Variants in KDM6A observed in about 807,000 individuals in gnomAD.
The protein encoded by KDM6A is lysine demethylase 6A.
A neutral mutation model predicts 117.6 loss-of-function variants in KDM6A; 11 were observed. The ratio of observed to expected loss-of-function variants is 0.09; its 90% CI spans 0.06 to 0.15. The LOEUF (loss-of-function observed/expected upper bound fraction) is 0.15, where lower values mean the gene tolerates loss of function less well. Among genes scored for constraint, KDM6A ranks in the 10% least tolerant of loss-of-function variants. KDM6A has a pLI of 1.00. For missense variants in KDM6A, 799 were observed against 1,077.3 expected, an observed-to-expected ratio of 0.74 and a Z score of 3.62; for synonymous variants, 384 against 396.1, an observed-to-expected ratio of 0.97 and a Z score of 0.36.
At chrX:45,059,175 C>T in intron 11 of KDM6A, 71 bp downstream of exon 11, 1 of 1,175,523 alleles carries the variant, frequency 8.5e-7, no homozygotes, top group Non-Finnish European at 1.2e-6. Context: ...TATAGTACTT[C>T]ATAGTTTAAA....
chrX:45,091,239 GGAT>G (rs1333801497), intron 27 of KDM6A, among the ~76,000 whole-genome samples: 12 of 110,145 alleles, frequency 1.1e-4, no homozygotes, highest in African/African-American at 3.6e-4. Context: ...GTTAATATAG[GGAT>G]TTGACTAAAA....
At chrX:45,057,997 C>T (rs980745112) in intron 10 of KDM6A, among the ~76,000 whole-genome samples, 4 of 107,982 alleles carry the variant, frequency 3.7e-5, no homozygotes, top group African/African-American at 6.8e-5. Flanking sequence ...GCTTGGCAAA[C>T]GTGCCATATA....
At chrX:44,960,228 AGT>A (rs1337235538) in intron 2 of KDM6A, among the ~76,000 whole-genome samples, 1 of 111,456 alleles carries the variant, frequency 9.0e-6, no homozygotes, top group Non-Finnish European at 1.9e-5. Flanking sequence ...CAAACTTGCA[AGT>A]GTTCCTGGGA....
At chrX:45,034,390 A>G (rs769398145) in intron 6 of KDM6A, among the ~76,000 whole-genome samples, 1 of 112,105 alleles carries the variant, frequency 8.9e-6, no homozygotes, top group South Asian at 3.6e-4. Flanking sequence ...TATTTGGTAG[A>G]TGAACTTGGA....
intron 7 of KDM6A, among the ~76,000 whole-genome samples, chrX:45,036,106 CTTT>C (rs2042801975): frequency 9.0e-6 from 1 of 111,031 alleles, no homozygotes; most frequent in Non-Finnish European, 1.9e-5. Flanking sequence ...CTGTAAGTTA[CTTT>C]TTTGTTTTTG....
chrX:44,898,047 C>G (rs758576392), intron 2 of KDM6A, among the ~76,000 whole-genome samples: 1 of 111,678 alleles, frequency 9.0e-6, no homozygotes. Context: ...CTCCCTTACC[C>G]TCACATCTTC....
rs2148051596 is a variant in KDM6A at position 45,070,117 on chromosome X, C to T, written c.2618C>T (p.Ser873Leu). ...TDNSVASSPS[S>L]AISTATPSPK... ...AACTCTGTTGCCTCTTCACCATCTTCAGCCATTTCAACAGCAACACCTTCT... is the reference window on the plus strand; with the variant it reads ...AACTCTGTTGCCTCTTCACCATCTTTAGCCATTTCAACAGCAACACCTTCT... The change falls in exon 18 of 30, where the codon TCA becomes TTA. Residue 873 changes from serine to leucine, a missense_variant. Ser to Leu is a moderately radical substitution (Grantham distance 145). This residue lies in a region of KDM6A where 291 missense variants were observed against 437.9 expected (regional missense o/e 0.66). Coordinates refer to ENST00000611820, the MANE Select transcript of KDM6A (RefSeq NM_001291415.2). 8.3e-7 allele frequency: 1 copy of T among 1,211,671 alleles called. No individual in the cohort carries two copies. Among genetic ancestry groups the T allele is most frequent in the Non-Finnish European group, 1.1e-6 (1 of 895,304 alleles).
intron 21 of KDM6A, among the ~76,000 whole-genome samples, chrX:45,082,153 T>C (rs1054752676): frequency 4.6e-5 from 5 of 109,858 alleles, no homozygotes; most frequent in Non-Finnish European, 9.5e-5. Context: ...AAACTTAGTT[T>C]CAAGGCCAGG....
At chrX:44,927,658 G>A (rs1341725802) in intron 2 of KDM6A, among the ~76,000 whole-genome samples, 1 of 111,031 alleles carries the variant, frequency 9.0e-6, no homozygotes, top group African/African-American at 3.3e-5. Flanking sequence ...CTTTGAGTGG[G>A]GTCCAAACCA....
chrX:44,956,034 A>AATG (rs2038304401), intron 2 of KDM6A, among the ~76,000 whole-genome samples: 1 of 111,867 alleles, frequency 8.9e-6, no homozygotes, highest in Non-Finnish European at 1.9e-5. Flanking sequence ...CTACCTTCTG[A>AATG]ATGAGCTGAA....
At chrX:44,963,840 C>G (rs2038864496) in intron 3 of KDM6A, among the ~76,000 whole-genome samples, 1 of 110,190 alleles carries the variant, frequency 9.1e-6, no homozygotes, top group Admixed American at 9.6e-5. Flanking sequence ...CTGCCTCAGC[C>G]TCCTGAGTAG....
intron 4 of KDM6A, among the ~76,000 whole-genome samples, chrX:44,993,267 CTA>C (rs2040708653): frequency 2.7e-5 from 3 of 111,539 alleles, no homozygotes; most frequent in Admixed American, 1.9e-4. Flanking sequence ...GAATTGGACA[CTA>C]AGGATATCTT....
At chrX:45,064,483 T>C (rs906280161) in intron 17 of KDM6A, among the ~76,000 whole-genome samples, 1 of 112,455 alleles carries the variant, frequency 8.9e-6, no homozygotes, top group Non-Finnish European at 1.9e-5. Flanking sequence ...ATTATTTTTG[T>C]CAAGGAAATG....
chrX:45,063,226 A>T (rs1384562959), intron 16 of KDM6A, among the ~76,000 whole-genome samples, 196 bp from the exon 17 acceptor site: 5 of 110,258 alleles, frequency 4.5e-5, no homozygotes. Flanking sequence ...AGTTTATTTT[A>T]AAATGAACAA....
At chrX:45,063,369 C>T (rs1241445583) in intron 16 of KDM6A, 53 bp from the exon 17 acceptor site, 14 of 1,119,987 alleles carry the variant, frequency 1.3e-5, no homozygotes, top group Non-Finnish European at 1.7e-5. Flanking sequence ...TATAGATTCT[C>T]TTCCCTATAG....
chrX:44,916,626 T>C (rs181306557), intron 2 of KDM6A, among the ~76,000 whole-genome samples: 2 of 111,048 alleles, frequency 1.8e-5, no homozygotes, highest in East Asian at 5.6e-4. Context: ...TGTAGTGTCA[T>C]GCATTTTTCT....
chrX:45,109,127 AAT>A (rs1222686595), intron 28 of KDM6A, among the ~76,000 whole-genome samples: 16 of 102,818 alleles, frequency 1.6e-4, no homozygotes, highest in African/African-American at 5.8e-4. Flanking sequence ...AATTTAAAAA[AAT>A]AATAATAATA....
chrX:44,971,318 G>A (rs1234503878), intron 3 of KDM6A, among the ~76,000 whole-genome samples: 1 of 111,719 alleles, frequency 9.0e-6, no homozygotes, highest in African/African-American at 3.3e-5. Flanking sequence ...TCCAGTGATA[G>A]GTTGGTTGGC....
In KDM6A at chrX:45,079,308, A is replaced by AATAT; in HGVS notation, c.3258_3261dup (p.Ala1088IlefsTer18). On this transcript the variant is annotated frameshift_variant, in exon 21 of 30. Coordinates refer to ENST00000611820, the MANE Select transcript of KDM6A (RefSeq NM_001291415.2). LOFTEE classifies it high-confidence loss of function. ...AATAGATCTCATACTACAATTGCTA[A>AATAT]ATATGCACAGTACCAGGCCTCCTCA... The AATAT allele has an allele frequency of 8.3e-7, 1 of 1,200,084 alleles. No homozygotes were observed. The highest frequency in any genetic ancestry group is 1.7e-5 in the African/African-American group (1 of 57,601).
Sources: gnomAD v4.1 joint callset for allele counts (sites outside exome capture counted in the v4.1 genomes callset) on GRCh38, gnomAD v4.1.1 for gene constraint, gnomAD v4.1.1 regional missense constraint, MANE v1.5 for transcripts, NCBI Gene and HGNC (gene_info 2026-07-23, HGNC 2026-07-21) for gene names.